Variants in METTL24 observed in about 807,000 individuals in gnomAD.
METTL24 encodes the protein probable methyltransferase-like protein 24.
Under a neutral mutation model 32.7 loss-of-function variants are expected in METTL24, and 29 were observed. The observed-to-expected ratio is 0.89, with a 90% CI of 0.66 to 1.21. The LOEUF is 1.21. Among genes scored for constraint, METTL24 ranks in the 50% most tolerant of loss-of-function variants. The pLI, the probability that METTL24 is intolerant of heterozygous loss-of-function variation, is 0.00. For synonymous variants in METTL24, 163 were observed against 179.5 expected (o/e 0.91, Z 0.73); for missense variants, 439 against 468.1 (o/e 0.94, Z 0.57).
At chr6:110,253,358 G>A (rs910533469) in intron 4 of METTL24, among the ~76,000 whole-genome samples, 4 of 152,182 alleles carry the variant, frequency 2.6e-5, no homozygotes, top group Admixed American at 6.5e-5. Context: ...CATAAACTAC[G>A]AGAGAGCATC....
chr6:110,256,495 T>A (rs1364400309), intron 4 of METTL24, among the ~76,000 whole-genome samples: 1 of 152,180 alleles, frequency 6.6e-6, no homozygotes, highest in Non-Finnish European at 1.5e-5. Context: ...TGTAAGTTCC[T>A]TTAGGGCAGG....
chr6:110,356,428 G>T (rs1235230859), intron 1 of METTL24, among the ~76,000 whole-genome samples: 2 of 151,880 alleles, frequency 1.3e-5, no homozygotes, highest in Non-Finnish European at 2.9e-5. Flanking sequence ...GGGCGACACA[G>T]CAAGACTCCG....
intron 4 of METTL24, among the ~76,000 whole-genome samples, chr6:110,251,736 G>A (rs1253972676): frequency 1.3e-5 from 2 of 152,134 alleles, no homozygotes; most frequent in African/African-American, 4.8e-5. Context: ...AGGATGGAAG[G>A]GGAGTAAACG....
intron 4 of METTL24, among the ~76,000 whole-genome samples, chr6:110,257,022 A>G (rs1025793341): frequency 6.6e-6 from 1 of 152,202 alleles, no homozygotes; most frequent in Non-Finnish European, 1.5e-5. Flanking sequence ...AGAAATTTGC[A>G]TTGTTGGATT....
intron 3 of METTL24, among the ~76,000 whole-genome samples, chr6:110,312,907 G>C (rs1771749651): frequency 6.6e-6 from 1 of 152,250 alleles, no homozygotes; most frequent in Non-Finnish European, 1.5e-5. Flanking sequence ...GAACAGGCCA[G>C]AGCACAGGGG....
intron 2 of METTL24, among the ~76,000 whole-genome samples, chr6:110,316,354 C>T (rs991536698): frequency 2.6e-5 from 4 of 152,220 alleles, no homozygotes; most frequent in Non-Finnish European, 5.9e-5. Flanking sequence ...ACATTTCGCA[C>T]AGCTGAGGCT....
At position 110,264,529 on chromosome 6, in the gene METTL24, G is replaced by A. The variant is rs185559270; in HGVS notation, c.787-18269C>T. ...ACACTTTTACACTGTTGGTGGGACTGCAAACTAGCTCAACCATTGTGGAAG... is the reference window on the plus strand; with the variant it reads ...ACACTTTTACACTGTTGGTGGGACTACAAACTAGCTCAACCATTGTGGAAG... On this transcript the variant is annotated intron_variant, in intron 4 of 4. Transcript: ENST00000338882. Among the ~76,000 whole-genome samples the A allele has an allele frequency of 7.9e-4, 121 of 152,346 alleles. 1 individual carries two copies. Among genetic ancestry groups the A allele is most frequent in the African/African-American group, 2.9e-3 (121 of 41,580 alleles).
chr6:110,276,512 C>T (rs1029137896), intron 4 of METTL24, among the ~76,000 whole-genome samples: 14 of 152,030 alleles, frequency 9.2e-5, no homozygotes, highest in Admixed American at 3.3e-4. Flanking sequence ...ACTCAGTCTC[C>T]CAGAGAGGAA....
intron 2 of METTL24, among the ~76,000 whole-genome samples, 197 bp from the exon 3 acceptor site, chr6:110,315,678 T>C (rs1009842345): frequency 2.6e-5 from 4 of 152,114 alleles, no homozygotes; most frequent in African/African-American, 9.7e-5. Flanking sequence ...AGATAATAAG[T>C]AATCTCATGG....
chr6:110,322,446 G>A (rs1212857255), intron 2 of METTL24, among the ~76,000 whole-genome samples: 2 of 152,114 alleles, frequency 1.3e-5, no homozygotes, highest in African/African-American at 2.4e-5. Context: ...TGACATACTC[G>A]ACTGCCTACT....
chr6:110,268,587 A>G (rs1404562736), intron 4 of METTL24, among the ~76,000 whole-genome samples: 1 of 152,170 alleles, frequency 6.6e-6, no homozygotes, highest in Non-Finnish European at 1.5e-5. Flanking sequence ...AACAAGACAC[A>G]CACATTTCAG....
At chr6:110,303,892 C>T (rs967908389) in intron 3 of METTL24, among the ~76,000 whole-genome samples, 3 of 152,132 alleles carry the variant, frequency 2.0e-5, no homozygotes, top group Non-Finnish European at 4.4e-5. Context: ...CAGCAGGGGT[C>T]GACAGACACC....
chr6:110,328,545 C>A (rs916765282), intron 1 of METTL24, among the ~76,000 whole-genome samples: 7 of 152,094 alleles, frequency 4.6e-5, no homozygotes, highest in Non-Finnish European at 1.0e-4. Context: ...CTGCAACAAG[C>A]ACAGCCATGA....
At chr6:110,336,044 G>A (rs1772220513) in intron 1 of METTL24, among the ~76,000 whole-genome samples, 1 of 152,232 alleles carries the variant, frequency 6.6e-6, no homozygotes, top group Non-Finnish European at 1.5e-5. Flanking sequence ...TAAACTCAGT[G>A]CAACAGGTAA....
chr6:110,317,731 T>C (rs1771845411), intron 2 of METTL24, among the ~76,000 whole-genome samples: 1 of 152,124 alleles, frequency 6.6e-6, no homozygotes. Flanking sequence ...CATTCCCTCC[T>C]AATGCCATCC....
At chr6:110,277,464 A>T (rs1407250815) in intron 4 of METTL24, among the ~76,000 whole-genome samples, 1 of 152,200 alleles carries the variant, frequency 6.6e-6, no homozygotes, top group Non-Finnish European at 1.5e-5. Context: ...GAAGAATGTT[A>T]TACCCCTCCA....
At chr6:110,295,794 AAAGGAAGGAAGG>A (rs71018387) in intron 4 of METTL24, among the ~76,000 whole-genome samples, 2,062 of 136,306 alleles carry the variant, frequency 0.015, 20 homozygotes, top group Middle Eastern at 0.033. Context: ...AGAAAGAAAG[AAAGGAAGGAAGG>A]AAGGAAGGAA....
intron 4 of METTL24, among the ~76,000 whole-genome samples, chr6:110,276,657 T>C (rs1053666212): frequency 1.3e-5 from 2 of 152,090 alleles, no homozygotes; most frequent in African/African-American, 4.8e-5. Context: ...AGCTCCAACA[T>C]GTTGAAGAGG....
chr6:110,291,326 G>A (rs1771315327), intron 4 of METTL24, among the ~76,000 whole-genome samples: 1 of 151,966 alleles, frequency 6.6e-6, no homozygotes, highest in Admixed American at 6.6e-5. Context: ...TATAATTTTA[G>A]CTTTTATGTT....
Sources: gnomAD v4.1 joint callset for allele counts (sites outside exome capture counted in the v4.1 genomes callset) on GRCh38, gnomAD v4.1.1 for gene constraint, MANE v1.5 for transcripts, NCBI Gene and HGNC (gene_info 2026-07-23, HGNC 2026-07-21) for gene names.